The following LRMDA variants were observed in gnomAD, a reference collection of about 807,000 sequenced individuals.
The protein encoded by LRMDA is leucine rich melanocyte differentiation associated, also known as leucine-rich melanocyte differentiation-associated protein.
In LRMDA, 18 loss-of-function variants were observed where a neutral mutation model predicts 29.8. That is an observed-to-expected ratio of 0.60 (90% CI 0.42 to 0.90). The LOEUF (loss-of-function observed/expected upper bound fraction) is 0.90, where lower values mean the gene tolerates loss of function less well. Ranked by LOEUF, LRMDA falls within the 40% of genes least tolerant of loss-of-function variation. The probability of loss-of-function intolerance (pLI) is 0.00; values close to 1 mark genes in which losing one functional copy is unlikely to be tolerated. For missense variants in LRMDA, 273 were observed against 273.9 expected, an observed-to-expected ratio of 1.00 and a Z score of 0.02; for synonymous variants, 125 against 109.4, an observed-to-expected ratio of 1.14 and a Z score of -0.89.
chr10:75,456,527 C>T (rs1844519746), intron 2 of LRMDA, among the ~76,000 whole-genome samples: 2 of 152,212 alleles, frequency 1.3e-5, no homozygotes, highest in African/African-American at 4.8e-5. Flanking sequence ...GAAACTCTGT[C>T]TCCCATTGAA....
intron 5 of LRMDA, among the ~76,000 whole-genome samples, chr10:76,082,384 C>T (rs1183584615): frequency 2.6e-5 from 4 of 152,242 alleles, no homozygotes; most frequent in African/African-American, 9.6e-5. Flanking sequence ...ATGGTTGCAT[C>T]ATCCACAAAA....
intron 2 of LRMDA, among the ~76,000 whole-genome samples, chr10:76,016,048 GT>G (rs1474486218): frequency 2.0e-5 from 3 of 152,136 alleles, no homozygotes; most frequent in African/African-American, 7.2e-5. Context: ...CAGTTCTATT[GT>G]TATCTTGAGT....
intron 5 of LRMDA, among the ~76,000 whole-genome samples, chr10:76,121,793 T>C (rs1303908325): frequency 6.6e-6 from 1 of 152,148 alleles, no homozygotes; most frequent in Admixed American, 6.5e-5. Flanking sequence ...TTTTATATCA[T>C]TTTAGGAGCT....
intron 5 of LRMDA, among the ~76,000 whole-genome samples, chr10:76,158,328 C>T (rs985298207): frequency 6.6e-6 from 1 of 152,112 alleles, no homozygotes; most frequent in Non-Finnish European, 1.5e-5. Flanking sequence ...CCTTCTAAAC[C>T]AGGCCCCTTT....
intron 6 of LRMDA, among the ~76,000 whole-genome samples, chr10:76,420,106 A>C (rs1049767768): frequency 6.6e-6 from 1 of 151,728 alleles, no homozygotes; most frequent in African/African-American, 2.4e-5. Flanking sequence ...TGTTTTTTCT[A>C]TTCTTTGGAA....
At chr10:75,692,062 T>A (rs1842165602) in intron 2 of LRMDA, among the ~76,000 whole-genome samples, 2 of 151,722 alleles carry the variant, frequency 1.3e-5, no homozygotes, top group Admixed American at 6.6e-5. Context: ...AGTATCCATT[T>A]GTGGTGGAAT....
intron 5 of LRMDA, among the ~76,000 whole-genome samples, chr10:76,317,903 T>C (rs1406149038): frequency 6.6e-6 from 1 of 152,194 alleles, no homozygotes; most frequent in Admixed American, 6.5e-5. Context: ...ACTTATTAAC[T>C]ACTACTTATT....
intron 6 of LRMDA, among the ~76,000 whole-genome samples, chr10:76,540,911 C>G (rs1843346369): frequency 6.6e-6 from 1 of 152,114 alleles, no homozygotes; most frequent in Non-Finnish European, 1.5e-5. Context: ...AGAAAAATTA[C>G]TTGTTTTAAA....
chr10:76,224,667 CTTTTTTTTTTTT>C (rs35143239), intron 5 of LRMDA, among the ~76,000 whole-genome samples: 3 of 105,354 alleles, frequency 2.8e-5, no homozygotes, highest in South Asian at 6.9e-4. Context: ...GTCTAGGACT[CTTTTTTTTTTTT>C]TTTTTTTTTT....
At chr10:75,670,305 G>A (rs1841875421) in intron 2 of LRMDA, among the ~76,000 whole-genome samples, 1 of 152,182 alleles carries the variant, frequency 6.6e-6, no homozygotes, top group East Asian at 1.9e-4. Flanking sequence ...ATCTCTTTTT[G>A]TAGAAGTCAG....
Position 76,338,073 on chromosome 10 carries a change from G to GAAAA in LRMDA, c.601+13598_601+13601dup, listed in dbSNP as rs71788669. The stretch of plus-strand genomic sequence containing the variant: ...AAATGCTGTTACCCTTCTCCTTATA[G>GAAAA]AAAAAAAAAAAAACAATTCCCAAAT... On this transcript the variant is annotated intron_variant, in intron 6 of 6. Transcript: ENST00000611255. Among the ~76,000 whole-genome samples, 258 of 134,160 alleles carry GAAAA rather than the reference G, an allele frequency of 1.9e-3. 1 individual carries two copies. Among genetic ancestry groups the GAAAA allele is most frequent in the East Asian group, 7.6e-3 (36 of 4,734 alleles). 88.0% of individuals were successfully genotyped at this position (134,160 alleles called of 152,430 possible).
At chr10:75,682,673 A>G (rs1333917053) in intron 2 of LRMDA, among the ~76,000 whole-genome samples, 2 of 152,208 alleles carry the variant, frequency 1.3e-5, no homozygotes, top group Non-Finnish European at 2.9e-5. Context: ...GTTAGAGGTT[A>G]GATTTGAACC....
At chr10:76,280,922 T>A (rs1419256716) in intron 5 of LRMDA, among the ~76,000 whole-genome samples, 1 of 152,144 alleles carries the variant, frequency 6.6e-6, no homozygotes, top group Non-Finnish European at 1.5e-5. Flanking sequence ...ATTGTAGAAT[T>A]GCTTGTGGCC....
At position 75,548,756 on chromosome 10, in the gene LRMDA, G is replaced by T. The variant is rs1217333735; in HGVS notation, c.131+110262G>T. On this transcript the variant is annotated intron_variant, in intron 2 of 6. Transcript: ENST00000611255. ...TCTCTGGCCTATAAAAAAGATCTAA[G>T]TATCTGTCGGAAATATACATACTCG... 3.9e-5 allele frequency among the ~76,000 whole-genome samples: 6 copies of T among 152,150 alleles called. No homozygotes were observed. In the East Asian group the frequency reaches 1.2e-3, roughly 29 times the overall value.
chr10:75,558,347 G>A (rs1342807346), intron 2 of LRMDA, among the ~76,000 whole-genome samples: 3 of 151,840 alleles, frequency 2.0e-5, no homozygotes, highest in Non-Finnish European at 2.9e-5. Flanking sequence ...GAGCAAAACT[G>A]TATGTGTTTC....
At chr10:75,499,467 G>A (rs1001273012) in intron 2 of LRMDA, among the ~76,000 whole-genome samples, 27 of 152,230 alleles carry the variant, frequency 1.8e-4, no homozygotes, top group Admixed American at 5.9e-4. Flanking sequence ...TCTGGGCCTT[G>A]ACTGTCTTTT....
At chr10:75,717,390 T>G (rs1193469308) in intron 2 of LRMDA, among the ~76,000 whole-genome samples, 2 of 152,196 alleles carry the variant, frequency 1.3e-5, no homozygotes, top group Non-Finnish European at 2.9e-5. Context: ...TCAGGCTTCC[T>G]GGGGAATCGT....
chr10:75,840,749 C>T (rs150286194), intron 2 of LRMDA, among the ~76,000 whole-genome samples: 30 of 152,328 alleles, frequency 2.0e-4, no homozygotes, highest in African/African-American at 5.8e-4. Context: ...TTTACAGTTG[C>T]GCCTTTCTTC....
In LRMDA at chr10:75,656,548, C is replaced by T. The variant is rs906487304; in HGVS notation, c.131+218054C>T. On this transcript the variant is annotated intron_variant, in intron 2 of 6. Transcript: ENST00000611255. The stretch of plus-strand genomic sequence containing the variant: ...TGTAAGGCTGATTGAGTGAGGGAGT[C>T]TTTGCTTGGAGGCAGGAAGATGACT... Among the ~76,000 whole-genome samples, 3 of 152,224 alleles carry T rather than the reference C, an allele frequency of 2.0e-5. No individual in the cohort carries two copies. The South Asian group carries it at 6.2e-4, about 32-fold the overall frequency.
Sources: allele counts gnomAD v4.1 joint callset (sites outside exome capture counted in the v4.1 genomes callset), GRCh38; gene constraint gnomAD v4.1.1; transcripts MANE v1.5; gene names NCBI Gene and HGNC (gene_info 2026-07-23, HGNC 2026-07-21).